SYNPR: variants seen among roughly 807,000 people sequenced by gnomAD.
The protein encoded by SYNPR is synaptoporin.
A neutral mutation model predicts 32.9 loss-of-function variants in SYNPR; 23 were observed. That is an observed-to-expected ratio of 0.70 (90% confidence interval 0.50 to 0.99). The LOEUF (loss-of-function observed/expected upper bound fraction) is 0.99, where lower values mean the gene tolerates loss of function less well. SYNPR is among the 50% of genes least tolerant of loss of function. The pLI is 0.00. For missense variants in SYNPR, 318 were observed against 349.3 expected (o/e 0.91, Z 0.71); for synonymous variants, 146 against 135.9 (o/e 1.07, Z -0.52).
intron 2 of SYNPR, among the ~76,000 whole-genome samples, chr3:63,265,125 G>C (rs551727832): frequency 8.6e-5 from 13 of 151,776 alleles, no homozygotes; most frequent in African/African-American, 3.1e-4. Flanking sequence ...ACTGGCTTTT[G>C]ATTGAACACA....
intron 3 of SYNPR, among the ~76,000 whole-genome samples, chr3:63,517,143 T>C (rs1701815564): frequency 6.6e-6 from 1 of 152,054 alleles, no homozygotes; most frequent in South Asian, 2.1e-4. Flanking sequence ...AACCAAACAG[T>C]GGACGGAAGC....
chr3:63,408,969 C>T (rs1171782341), intron 2 of SYNPR, among the ~76,000 whole-genome samples: 2 of 152,086 alleles, frequency 1.3e-5, no homozygotes, highest in Non-Finnish European at 2.9e-5. Context: ...TCCTGTAACC[C>T]TACCAACCTC....
intron 2 of SYNPR, among the ~76,000 whole-genome samples, chr3:63,467,576 T>C (rs1700707321): frequency 6.6e-6 from 1 of 152,204 alleles, no homozygotes; most frequent in Non-Finnish European, 1.5e-5. Flanking sequence ...ATTTCAATGA[T>C]ATGATGTCTG....
intron 2 of SYNPR, among the ~76,000 whole-genome samples, chr3:63,408,933 C>T (rs1488628222): frequency 3.3e-5 from 5 of 152,094 alleles, no homozygotes; most frequent in Admixed American, 2.0e-4. Context: ...GCCAACTCTG[C>T]CCTCCACTCT....
At chr3:63,574,403 C>T (rs1033224151) in intron 4 of SYNPR, among the ~76,000 whole-genome samples, 2 of 152,070 alleles carry the variant, frequency 1.3e-5, no homozygotes, top group Non-Finnish European at 1.5e-5. Context: ...TAAAACTCCA[C>T]CCAAGTATGG....
intron 2 of SYNPR, among the ~76,000 whole-genome samples, chr3:63,360,721 T>C (rs1309353689): frequency 2.0e-5 from 3 of 152,218 alleles, no homozygotes; most frequent in Admixed American, 2.0e-4. Flanking sequence ...GTCTGGCCAC[T>C]GATATTCACA....
chr3:63,355,354 T>C (rs1448576850), intron 2 of SYNPR, among the ~76,000 whole-genome samples: 7 of 151,694 alleles, frequency 4.6e-5, no homozygotes, highest in Admixed American at 3.9e-4. Context: ...TGCAGTGAGA[T>C]TAAGACCAGC....
At chr3:63,552,300 T>C (rs1220985279) in intron 3 of SYNPR, among the ~76,000 whole-genome samples, 3 of 152,188 alleles carry the variant, frequency 2.0e-5, no homozygotes, top group Non-Finnish European at 4.4e-5. Flanking sequence ...GAAAATCACC[T>C]GTGTCAGAAT....
intron 2 of SYNPR, among the ~76,000 whole-genome samples, chr3:63,462,934 A>G (rs1213245273): frequency 6.6e-6 from 1 of 152,108 alleles, no homozygotes; most frequent in African/African-American, 2.4e-5. Context: ...GCCACCAGGG[A>G]AATGAGTGGT....
At chr3:63,584,515 G>C (rs888449918) in intron 4 of SYNPR, among the ~76,000 whole-genome samples, 12 of 151,964 alleles carry the variant, frequency 7.9e-5, no homozygotes, top group African/African-American at 2.9e-4. Context: ...GTCTGGGTTT[G>C]GGATTGGAAA....
intron 3 of SYNPR, among the ~76,000 whole-genome samples, chr3:63,554,976 T>C (rs1231313416): frequency 6.6e-6 from 1 of 152,140 alleles, no homozygotes; most frequent in East Asian, 1.9e-4. Flanking sequence ...TTTGTGGCTA[T>C]GGTAAATGAG....
rs144895546 is a variant in SYNPR at position 63,452,732 on chromosome 3, A to AT, written c.85-28099dup. On this transcript the variant is annotated intron_variant, in intron 2 of 5. Coordinates refer to ENST00000478300, the MANE Select transcript of SYNPR (RefSeq NM_001130003.2). ...TAGTCCAAAGCCACACATTGTGTAT[A>AT]TGGTGACTCTGAGAGTATAGCTTAG... Among the ~76,000 whole-genome samples, 633 of 152,250 alleles carry AT rather than the reference A, an allele frequency of 4.2e-3. 3 individuals carry two copies. Among genetic ancestry groups the AT allele is most frequent in the African/African-American group, 0.015 (605 of 41,558 alleles).
In SYNPR at chr3:63,300,427, C is replaced by G. The variant is rs557696110; in HGVS notation, c.84+21685C>G. 4.6e-5 allele frequency among the ~76,000 whole-genome samples: 7 copies of G among 152,086 alleles called. No homozygotes were observed. The South Asian group carries it at 1.5e-3, about 32-fold the overall frequency. ...AATGTAGCATAGTGTTGATATTCAC[C>G]AACCTGGTGCCAACATTCAGATATG... On this transcript the variant is annotated intron_variant, in intron 2 of 5. Transcript: ENST00000478300.
chr3:63,316,972 C>G (rs948197125), intron 2 of SYNPR, among the ~76,000 whole-genome samples: 1 of 151,894 alleles, frequency 6.6e-6, no homozygotes, highest in Admixed American at 6.6e-5. Flanking sequence ...AAATTTCCAT[C>G]TTGATTTCAT....
At chr3:63,521,479 G>C (rs1701912760) in intron 3 of SYNPR, among the ~76,000 whole-genome samples, 1 of 152,158 alleles carries the variant, frequency 6.6e-6, no homozygotes, top group Non-Finnish European at 1.5e-5. Flanking sequence ...TTAAGTCAGG[G>C]AGCGTACTTG....
Position 63,465,400 on chromosome 3 carries a change from C to T in SYNPR, c.85-15432C>T, listed in dbSNP as rs74360008. On this transcript the variant is annotated intron_variant, in intron 2 of 5. Coordinates refer to ENST00000478300, the MANE Select transcript of SYNPR (RefSeq NM_001130003.2). ...TTTAAGGAATGTTCCTCTAGGGAATCTAGATTAATACTATTTTTGAATATT... is the reference window on the plus strand; with the variant it reads ...TTTAAGGAATGTTCCTCTAGGGAATTTAGATTAATACTATTTTTGAATATT... 8.4e-3 allele frequency among the ~76,000 whole-genome samples: 1,272 copies of T among 151,998 alleles called. 57 individuals are homozygous for T. In the East Asian group the frequency reaches 0.13, roughly 16 times the overall value.
chr3:63,556,807 G>A (rs1427953153), intron 4 of SYNPR, 66 bp downstream of exon 4: 3 of 1,449,396 alleles, frequency 2.1e-6, no homozygotes, highest in Admixed American at 2.4e-5. Context: ...AATGCTTGAA[G>A]GACTTTGGAG....
intron 3 of SYNPR, among the ~76,000 whole-genome samples, chr3:63,543,713 T>C (rs1702347447): frequency 1.3e-5 from 2 of 152,034 alleles, no homozygotes; most frequent in Non-Finnish European, 2.9e-5. Context: ...AGTGTCCAAA[T>C]TGGGGTAATT....
chr3:63,422,407 C>T (rs547557888), intron 2 of SYNPR, among the ~76,000 whole-genome samples: 4 of 152,096 alleles, frequency 2.6e-5, no homozygotes, highest in South Asian at 4.2e-4. Flanking sequence ...ACGTCTACAG[C>T]GCATTGAGTG....
Sources: allele counts gnomAD v4.1 joint callset (sites outside exome capture counted in the v4.1 genomes callset), GRCh38; gene constraint gnomAD v4.1.1; transcripts MANE v1.5; gene names NCBI Gene and HGNC (gene_info 2026-07-23, HGNC 2026-07-21).